The following PACRG variants were observed in gnomAD, a reference collection of about 807,000 sequenced individuals.
PACRG encodes parkin coregulated, also known as parkin coregulated gene protein.
A neutral mutation model predicts 29.7 loss-of-function variants in PACRG; 29 were observed. The ratio of observed to expected loss-of-function variants is 0.98; its 90% confidence interval spans 0.73 to 1.33. The LOEUF (loss-of-function observed/expected upper bound fraction) is 1.33, where lower values mean the gene tolerates loss of function less well. Ranked by LOEUF, PACRG falls within the 40% of genes most tolerant of loss-of-function variation. The pLI, the probability that PACRG is intolerant of heterozygous loss-of-function variation, is 0.00. For missense variants in PACRG, 279 were observed against 316.2 expected (o/e 0.88, Z 0.89); for synonymous variants, 116 against 118.7 (o/e 0.98, Z 0.15).
rs772684056 is a variant in PACRG at position 163,055,928 on chromosome 6, G to A, written c.292-6222G>A. On this transcript the variant is annotated intron_variant, in intron 2 of 4. Coordinates refer to ENST00000366888, the MANE Select transcript of PACRG (RefSeq NM_001080379.2). This position sits in a 1 kb window ranked among gnomAD's most constrained non-coding sequence, Gnocchi z 4.0. ...CCGAACGTTTCATAGAAATGGAATC[G>A]TACAGTATGTGGTCTTTTGTGACTG... Among the ~76,000 whole-genome samples, 4 of 152,136 alleles carry A rather than the reference G, an allele frequency of 2.6e-5. No homozygotes were observed. The highest frequency in any genetic ancestry group is 4.4e-5 in the Non-Finnish European group (3 of 68,034).
intron 2 of PACRG, among the ~76,000 whole-genome samples, chr6:162,971,973 C>A (rs1221274567): frequency 6.6e-6 from 1 of 152,164 alleles, no homozygotes; most frequent in Non-Finnish European, 1.5e-5. Context: ...TCAGGAGACA[C>A]CTGGATCTCA....
chr6:162,942,751 T>C (rs1256230962), intron 2 of PACRG, among the ~76,000 whole-genome samples: 1 of 152,188 alleles, frequency 6.6e-6, no homozygotes, highest in Non-Finnish European at 1.5e-5. Flanking sequence ...CTGGCATGAC[T>C]TGTAATATTT....
chr6:162,872,045 A>G (rs1379076468), intron 2 of PACRG, among the ~76,000 whole-genome samples: 1 of 152,236 alleles, frequency 6.6e-6, no homozygotes, highest in Non-Finnish European at 1.5e-5. Context: ...TTTTAGCTGA[A>G]TTAATTTTGA....
chr6:163,293,664 C>A (rs1784689860), intron 4 of PACRG, among the ~76,000 whole-genome samples: 1 of 152,056 alleles, frequency 6.6e-6, no homozygotes, highest in Admixed American at 6.6e-5. Context: ...GGACATATAA[C>A]AACAAGATAA....
At chr6:163,252,037 A>G (rs1782924380) in intron 4 of PACRG, among the ~76,000 whole-genome samples, 1 of 152,210 alleles carries the variant, frequency 6.6e-6, no homozygotes, top group African/African-American at 2.4e-5. Flanking sequence ...GTGTCTCTGC[A>G]CAGTAAATCC....
intron 1 of PACRG, among the ~76,000 whole-genome samples, chr6:162,742,882 A>C (rs901486677): frequency 1.3e-5 from 2 of 152,150 alleles, no homozygotes; most frequent in African/African-American, 4.8e-5. Flanking sequence ...ATACAGGTTC[A>C]AAGAAGAAAA....
intron 4 of PACRG, among the ~76,000 whole-genome samples, chr6:163,280,523 C>T (rs759621812): frequency 6.6e-6 from 1 of 152,198 alleles, no homozygotes; most frequent in Non-Finnish European, 1.5e-5. Flanking sequence ...CCCATCTATC[C>T]CATGTTGTCT....
At chr6:162,968,612 T>G (rs1249112757) in intron 2 of PACRG, among the ~76,000 whole-genome samples, 1 of 152,214 alleles carries the variant, frequency 6.6e-6, no homozygotes, top group East Asian at 1.9e-4. Flanking sequence ...TGTTCCAGCG[T>G]GACAGAAGCC....
At chr6:162,749,005 G>A (rs1258906475) in intron 1 of PACRG, among the ~76,000 whole-genome samples, 3 of 152,096 alleles carry the variant, frequency 2.0e-5, no homozygotes, top group African/African-American at 4.8e-5. Context: ...TTTGCATTTT[G>A]TAGAGTTTAC....
chr6:162,829,470 T>C, intron 2 of PACRG, among the ~76,000 whole-genome samples: 1 of 152,244 alleles, frequency 6.6e-6, no homozygotes. Context: ...CCATCACACA[T>C]TTCAGAAGGT....
intron 4 of PACRG, among the ~76,000 whole-genome samples, chr6:163,098,160 G>C (rs1814771044): frequency 6.6e-6 from 1 of 152,122 alleles, no homozygotes. Context: ...CCCTTAGATA[G>C]GAATTTGGGC....
chr6:163,145,094 A>T (rs1777743222), intron 4 of PACRG, among the ~76,000 whole-genome samples: 1 of 152,160 alleles, frequency 6.6e-6, no homozygotes, highest in Non-Finnish European at 1.5e-5. Flanking sequence ...CACCCAACCC[A>T]CCATGAGAGA....
chr6:163,029,708 A>T (rs1807477758), intron 2 of PACRG, among the ~76,000 whole-genome samples: 1 of 152,150 alleles, frequency 6.6e-6, no homozygotes, highest in Admixed American at 6.5e-5. Context: ...GAGCCCCTGC[A>T]ACCATTCTGT....
chr6:163,201,660 A>C (rs1386563855), intron 4 of PACRG, among the ~76,000 whole-genome samples: 8 of 152,210 alleles, frequency 5.3e-5, no homozygotes, highest in Non-Finnish European at 2.9e-5. Flanking sequence ...GCCCCCACCC[A>C]AGGAGGGGGC....
chr6:163,205,790 G>A (rs182613823), intron 4 of PACRG, among the ~76,000 whole-genome samples: 154 of 152,174 alleles, frequency 1.0e-3, no homozygotes, highest in African/African-American at 3.4e-3. Context: ...CAGAATGGGA[G>A]GAAATATTTC....
chr6:163,036,564 T>G (rs1424142767), intron 2 of PACRG, among the ~76,000 whole-genome samples: 1 of 152,210 alleles, frequency 6.6e-6, no homozygotes, highest in East Asian at 1.9e-4. Flanking sequence ...GGCAATTCAA[T>G]CACCTCCTGC....
chr6:163,206,523 GAAC>G (rs1342552303), intron 4 of PACRG, among the ~76,000 whole-genome samples: 1 of 152,050 alleles, frequency 6.6e-6, no homozygotes, highest in Admixed American at 6.6e-5. Flanking sequence ...ACAAAGAGGA[GAAC>G]AACAGGCTTC....
intron 1 of PACRG, among the ~76,000 whole-genome samples, chr6:162,798,947 G>C (rs539092946): frequency 2.6e-5 from 4 of 152,076 alleles, no homozygotes; most frequent in Non-Finnish European, 5.9e-5. Context: ...TCATGTAATC[G>C]TATGCATGCA....
At chr6:163,251,323 G>A (rs1013602446) in intron 4 of PACRG, among the ~76,000 whole-genome samples, 3 of 152,188 alleles carry the variant, frequency 2.0e-5, no homozygotes, top group East Asian at 1.9e-4. Flanking sequence ...AAAGAACTGG[G>A]ATCATGCAGC....
Sources: allele counts gnomAD v4.1 joint callset (sites outside exome capture counted in the v4.1 genomes callset), GRCh38; gene constraint gnomAD v4.1.1; non-coding constraint Gnocchi (gnomAD v3.1); transcripts MANE v1.5; gene names NCBI Gene and HGNC (gene_info 2026-07-23, HGNC 2026-07-21).